Variants in TXK observed in about 807,000 individuals in gnomAD.
TXK encodes the protein TXK tyrosine kinase.
A neutral mutation model predicts 81.0 loss-of-function variants in TXK; 60 were observed. That is an observed-to-expected ratio of 0.74 (90% confidence interval 0.60 to 0.92). The LOEUF (loss-of-function observed/expected upper bound fraction) is 0.92. TXK is among the 40% of genes least tolerant of loss of function. The pLI is 0.00. For missense variants in TXK, 581 were observed against 638.3 expected, an observed-to-expected ratio of 0.91 and a Z score of 0.97; for synonymous variants, 203 against 210.7, an observed-to-expected ratio of 0.96 and a Z score of 0.32.
In TXK at chr4:48,067,524, A is replaced by T; in HGVS notation, c.*113T>A. On this transcript the variant is annotated 3_prime_UTR_variant, in exon 15 of 15. Transcript: ENST00000264316. Reference sequence around the variant, plus strand: ...CTGTGATCTTTGCACTGTTTTCAAGAGTCAGCAACTCTGAAGAAAGATATT... The same window carrying T: ...CTGTGATCTTTGCACTGTTTTCAAGTGTCAGCAACTCTGAAGAAAGATATT... 1 of 1,085,398 alleles carries T rather than the reference A, an allele frequency of 9.2e-7. No homozygotes were observed. Among genetic ancestry groups the T allele is most frequent in the Non-Finnish European group, 1.4e-6 (1 of 720,898 alleles). 67.2% of individuals were successfully genotyped at this position (1,085,398 alleles called of 1,614,324 possible).
chr4:48,131,088 G>T (rs545164933), intron 1 of TXK, among the ~76,000 whole-genome samples: 13 of 152,210 alleles, frequency 8.5e-5, no homozygotes, highest in Non-Finnish European at 1.6e-4. Flanking sequence ...CTGTTCTCAG[G>T]GCAACTGTGA....
intron 14 of TXK, among the ~76,000 whole-genome samples, chr4:48,069,503 T>C (rs976053277): frequency 6.6e-5 from 10 of 151,904 alleles, no homozygotes; most frequent in Non-Finnish European, 1.3e-4. Flanking sequence ...TTTTTTTGTA[T>C]TTTTAGTAGA....
intron 1 of TXK, among the ~76,000 whole-genome samples, chr4:48,122,447 C>T (rs1718985114): frequency 1.3e-5 from 2 of 152,318 alleles, no homozygotes; most frequent in South Asian, 2.1e-4. Context: ...AAGTGAATAG[C>T]CCCCTGATTT....
intron 6 of TXK, 109 bp from the exon 7 acceptor site, chr4:48,095,331 T>C: frequency 1.4e-6 from 1 of 703,870 alleles, no homozygotes; most frequent in South Asian, 1.8e-5. Flanking sequence ...ATAAGTGACC[T>C]GCTATATTAT....
chr4:48,072,864 T>C (rs977531869), intron 13 of TXK, among the ~76,000 whole-genome samples: 4 of 152,228 alleles, frequency 2.6e-5, no homozygotes, highest in South Asian at 2.1e-4. Context: ...GACTATCATA[T>C]GTCCATGGAG....
chr4:48,112,685 T>G (rs56935320), intron 3 of TXK, among the ~76,000 whole-genome samples, 173 bp from the exon 4 acceptor site: 5,875 of 152,258 alleles, frequency 0.039, 371 homozygotes, highest in African/African-American at 0.13. Context: ...TCCTTTAGGA[T>G]CCAGCAATAC....
chr4:48,115,414 A>C (rs1307245431), intron 1 of TXK, among the ~76,000 whole-genome samples: 7 of 152,176 alleles, frequency 4.6e-5, no homozygotes, highest in Non-Finnish European at 1.0e-4. Flanking sequence ...TATTCCATAA[A>C]ACATAGGCTC....
intron 5 of TXK, among the ~76,000 whole-genome samples, chr4:48,106,901 T>A (rs77589936): frequency 0.067 from 10,273 of 152,220 alleles, 472 homozygotes; most frequent in South Asian, 0.14. Context: ...TGAAGATAAT[T>A]TGACTTGTTT....
chr4:48,094,354 C>T, intron 7 of TXK, 150 bp from the exon 8 acceptor site: 2 of 855,606 alleles, frequency 2.3e-6, no homozygotes, highest in East Asian at 2.7e-5. Flanking sequence ...AGTGCCCCCC[C>T]ATGCCAAGAA....
chr4:48,134,059 T>G (rs1328717495), intron 1 of TXK, 96 bp downstream of exon 1: 5 of 1,383,536 alleles, frequency 3.6e-6, no homozygotes, highest in African/African-American at 2.9e-5. Flanking sequence ...GTCCCCAAGC[T>G]CTATGCCTTG....
intron 13 of TXK, among the ~76,000 whole-genome samples, chr4:48,072,887 T>C (rs1716918345): frequency 6.6e-6 from 1 of 152,176 alleles, no homozygotes; most frequent in African/African-American, 2.4e-5. Context: ...CTAATGAGAT[T>C]AATGACACAA....
chr4:48,089,949 T>G, intron 8 of TXK, 125 bp from the exon 9 acceptor site: 1 of 623,120 alleles, frequency 1.6e-6, no homozygotes, highest in South Asian at 2.5e-5. Context: ...TACCAGTTAG[T>G]CAGCAGTTTG....
chr4:48,076,169 T>C lies in TXK; in HGVS notation c.1238+233A>G, dbSNP rs554163145. On this transcript the variant is annotated intron_variant, in intron 12 of 14. Transcript: ENST00000264316. The stretch of plus-strand genomic sequence containing the variant: ...CCTTTTTTAATTTTAAGATATACCA[T>C]AGTTTTGCTAAAAGATGAGAAGAAT... Among the ~76,000 whole-genome samples, 6 of 152,348 alleles carry C rather than the reference T, an allele frequency of 3.9e-5. No individual in the cohort carries two copies. In the East Asian group the frequency reaches 7.7e-4, roughly 20 times the overall value.
intron 10 of TXK, among the ~76,000 whole-genome samples, chr4:48,084,887 A>AATGGGTCCAGTTAATCGAGC (rs1717455952): frequency 6.6e-6 from 1 of 152,084 alleles, no homozygotes; most frequent in African/African-American, 2.4e-5. Context: ...GTTAATCGAG[A>AATGGGTCCAGTTAATCGAGC]ATGGGTCCAG....
At chr4:48,067,783 TG>T in intron 14 of TXK, 78 bp from the exon 15 acceptor site, 2 of 1,369,784 alleles carry the variant, frequency 1.5e-6, no homozygotes. Flanking sequence ...ACGCTAAGCA[TG>T]TGGGAGTCAC....
At chr4:48,132,903 G>A (rs914232511) in intron 1 of TXK, among the ~76,000 whole-genome samples, 18 of 151,526 alleles carry the variant, frequency 1.2e-4, no homozygotes, top group African/African-American at 4.1e-4. Context: ...CTGAGATCGT[G>A]CCACTGCACT....
chr4:48,109,400 C>A (rs548144938), intron 5 of TXK: 2 of 152,038 alleles, frequency 1.3e-5, no homozygotes, highest in Non-Finnish European at 2.9e-5. Flanking sequence ...ATATGCTCTG[C>A]CGAAGTGAGC....
intron 9 of TXK, among the ~76,000 whole-genome samples, chr4:48,088,022 C>A (rs1458732171): frequency 5.9e-5 from 9 of 152,024 alleles, no homozygotes; most frequent in Admixed American, 5.9e-4. Flanking sequence ...ATGGAGTATT[C>A]TCTTATGAAG....
At chr4:48,126,878 C>T (rs912667648) in intron 1 of TXK, among the ~76,000 whole-genome samples, 6 of 152,168 alleles carry the variant, frequency 3.9e-5, no homozygotes, top group African/African-American at 1.4e-4. Context: ...GAAATGCCTC[C>T]CCCAGCTCCC....
Sources: gnomAD v4.1 joint callset for allele counts (sites outside exome capture counted in the v4.1 genomes callset) on GRCh38, gnomAD v4.1.1 for gene constraint, MANE v1.5 for transcripts, NCBI Gene and HGNC (gene_info 2026-07-23, HGNC 2026-07-21) for gene names.